VPS41: variants seen among roughly 807,000 people sequenced by gnomAD.
VPS41 encodes the protein VPS41 subunit of HOPS complex.
A neutral mutation model predicts 130.9 loss-of-function variants in VPS41; 85 were observed. The observed-to-expected ratio is 0.65, with a 90% CI of 0.55 to 0.78. The LOEUF is 0.78. Ranked by LOEUF, VPS41 falls within the 30% of genes least tolerant of loss-of-function variation. VPS41 has a pLI of 0.00. For missense variants in VPS41, 874 were observed against 1,018.7 expected (o/e 0.86, Z 1.93); for synonymous variants, 335 against 332.9 (o/e 1.01, Z -0.07).
rs530679977 is a variant in VPS41, at chr7:38,799,833, C to T, written c.451-2969G>A. On this transcript the variant is annotated intron_variant, in intron 7 of 28. Coordinates refer to ENST00000310301, the MANE Select transcript of VPS41 (RefSeq NM_014396.4). ...AAAATCAACACTCAAAACAATACAG[C>T]AATGTTTCTAGAATTGATAGATGAA... 5.3e-5 allele frequency among the ~76,000 whole-genome samples: 8 copies of T among 151,702 alleles called. No homozygotes were observed. In the South Asian group the frequency reaches 1.7e-3, roughly 32 times the overall value.
chr7:38,774,035 A>C (rs1784205140), intron 12 of VPS41, 80 bp downstream of exon 12: 1 of 1,369,634 alleles, frequency 7.3e-7, no homozygotes, highest in Admixed American at 2.0e-5. Flanking sequence ...ACCTTAATTT[A>C]AATTCCATTT....
chr7:38,880,534 G>C (rs887070703), intron 2 of VPS41, among the ~76,000 whole-genome samples: 1 of 152,152 alleles, frequency 6.6e-6, no homozygotes, highest in African/African-American at 2.4e-5. Context: ...TGATGGAAAT[G>C]ATGACAACAG....
At chr7:38,827,620 G>C (rs919956429) in intron 5 of VPS41, among the ~76,000 whole-genome samples, 21 of 152,166 alleles carry the variant, frequency 1.4e-4, no homozygotes, top group African/African-American at 5.1e-4. Context: ...GATGGGGAGA[G>C]GGAGGCACTG....
chr7:38,809,056 A>G lies in VPS41; in HGVS notation c.450+8761T>C, dbSNP rs977785194. Among the ~76,000 whole-genome samples, 40 of 152,210 alleles carry G rather than the reference A, an allele frequency of 2.6e-4. 1 individual carries two copies. The highest frequency in any genetic ancestry group is 2.2e-3 in the Admixed American group (34 of 15,278). On this transcript the variant is annotated intron_variant, in intron 7 of 28. Coordinates refer to ENST00000310301, the MANE Select transcript of VPS41 (RefSeq NM_014396.4). ...TACTTAAAATTTACCAATGGATTTT[A>G]AGTATTCTCATCCCCAAAGAAATGG...
intron 17 of VPS41, among the ~76,000 whole-genome samples, chr7:38,761,450 AT>A (rs201050545): frequency 0.24 from 33,029 of 135,346 alleles, 4,106 homozygotes; most frequent in East Asian, 0.45. Context: ...TAATTTTTGT[AT>A]TTTTTTTTTT....
At chr7:38,733,002 A>T (rs1183344889) in intron 25 of VPS41, among the ~76,000 whole-genome samples, 1 of 152,060 alleles carries the variant, frequency 6.6e-6, no homozygotes, top group African/African-American at 2.4e-5. Flanking sequence ...TAATTTATGT[A>T]TTTTTAGTAC....
intron 4 of VPS41, among the ~76,000 whole-genome samples, chr7:38,834,552 G>C (rs943326006): frequency 6.6e-6 from 1 of 152,118 alleles, no homozygotes; most frequent in African/African-American, 2.4e-5. Context: ...TACCTCTGAG[G>C]GGAAGAGAGA....
intron 24 of VPS41, among the ~76,000 whole-genome samples, chr7:38,742,924 G>T (rs1795911925): frequency 6.6e-6 from 1 of 152,130 alleles, no homozygotes; most frequent in African/African-American, 2.4e-5. Flanking sequence ...AACTCTGGGT[G>T]TTGTACTGAT....
intron 2 of VPS41, among the ~76,000 whole-genome samples, chr7:38,890,889 T>A (rs1786849253): frequency 6.6e-6 from 1 of 152,106 alleles, no homozygotes; most frequent in East Asian, 1.9e-4. Context: ...TCTCACTGTG[T>A]TGCCCCAGCT....
chr7:38,895,607 G>T (rs1344988997), intron 2 of VPS41, among the ~76,000 whole-genome samples: 1 of 152,170 alleles, frequency 6.6e-6, no homozygotes, highest in Admixed American at 6.5e-5. Flanking sequence ...CCAGGTTTCT[G>T]CATTTTCTTT....
chr7:38,743,543 C>CT lies in VPS41; in HGVS notation c.1982-2dup. ...GCACTTCGGCTATTACCCATTCGGC[C>CT]TTGGTGGGGTGAAGATGGGAGAAAG... On this transcript the variant is annotated splice_acceptor_variant, in intron 23 of 28. Coordinates refer to ENST00000310301, the MANE Select transcript of VPS41 (RefSeq NM_014396.4). LOFTEE classifies it high-confidence loss of function. 6.2e-7 allele frequency: 1 copy of CT among 1,613,258 alleles called. No homozygotes were observed. The highest frequency in any genetic ancestry group is 8.5e-7 in the Non-Finnish European group (1 of 1,179,524).
At chr7:38,831,326 T>C in intron 4 of VPS41, 1 of 431,018 alleles carries the variant, frequency 2.3e-6, no homozygotes, top group South Asian at 1.7e-5. Flanking sequence ...ACATGCAGCC[T>C]TTAAAACTGA....
chr7:38,810,231 A>AG (rs1562594579), intron 7 of VPS41, among the ~76,000 whole-genome samples: 2 of 152,138 alleles, frequency 1.3e-5, no homozygotes, highest in East Asian at 3.9e-4. Context: ...AAAACCTAAA[A>AG]TAAAAGTTTA....
chr7:38,837,008 A>C (rs73123610), intron 4 of VPS41, among the ~76,000 whole-genome samples: 9,105 of 152,338 alleles, frequency 0.06, 384 homozygotes, highest in Middle Eastern at 0.095. Flanking sequence ...GATACTAAGA[A>C]ATAGAAATTA....
At chr7:38,766,434 C>T (rs1784044405) in intron 15 of VPS41, among the ~76,000 whole-genome samples, 1 of 152,182 alleles carries the variant, frequency 6.6e-6, no homozygotes, top group South Asian at 2.1e-4. Flanking sequence ...TTCTTCTGGA[C>T]TATCTTCCAA....
At chr7:38,898,041 G>C in intron 2 of VPS41, 50 bp downstream of exon 2, 4 of 1,570,472 alleles carry the variant, frequency 2.5e-6, no homozygotes, top group Non-Finnish European at 2.6e-6. Flanking sequence ...CAACTCAAGA[G>C]AACAACGTGG....
chr7:38,764,672 C>T (rs1783994943), intron 16 of VPS41, among the ~76,000 whole-genome samples: 1 of 152,066 alleles, frequency 6.6e-6, no homozygotes, highest in South Asian at 2.1e-4. Context: ...AGGGGTGTAA[C>T]ATGTTCTAAT....
At chr7:38,735,246 T>C (rs981629561) in intron 25 of VPS41, among the ~76,000 whole-genome samples, 5 of 152,098 alleles carry the variant, frequency 3.3e-5, no homozygotes, top group African/African-American at 4.8e-5. Flanking sequence ...AAAAACTCTC[T>C]CTTAGAAGAA....
intron 2 of VPS41, among the ~76,000 whole-genome samples, chr7:38,873,030 G>A (rs963271381): frequency 2.0e-5 from 3 of 152,086 alleles, no homozygotes; most frequent in African/African-American, 4.8e-5. Context: ...ACTCATCCAC[G>A]GACCATTAGA....
Sources: gnomAD v4.1 joint callset for allele counts (sites outside exome capture counted in the v4.1 genomes callset) on GRCh38, gnomAD v4.1.1 for gene constraint, MANE v1.5 for transcripts, NCBI Gene and HGNC (gene_info 2026-07-23, HGNC 2026-07-21) for gene names.